The following LCORL variants were observed in gnomAD, a reference collection of about 807,000 sequenced individuals.
The protein encoded by LCORL is ligand dependent nuclear receptor corepressor like.
Under a neutral mutation model 141.8 loss-of-function variants are expected in LCORL, and 41 were observed. That is an observed-to-expected ratio of 0.29 (90% CI 0.23 to 0.38). The LOEUF (loss-of-function observed/expected upper bound fraction) is 0.38, where lower values mean the gene tolerates loss of function less well. Ranked by LOEUF, LCORL falls within the 10% of genes least tolerant of loss-of-function variation. The pLI is 1.00. For missense variants in LCORL, 1,759 were observed against 2,035.0 expected (o/e 0.86, Z 2.61); for synonymous variants, 618 against 694.1 (o/e 0.89, Z 1.72).
intron 6 of LCORL, chr4:17,881,751 T>C (rs533443698): frequency 4.2e-6 from 4 of 961,630 alleles, no homozygotes; most frequent in Non-Finnish European, 3.7e-6. Flanking sequence ...TATTATGTAA[T>C]GCATTCAAAG....
intron 4 of LCORL, among the ~76,000 whole-genome samples, chr4:17,938,300 C>A (rs147855387): frequency 1.3e-5 from 2 of 152,158 alleles, no homozygotes; most frequent in Non-Finnish European, 2.9e-5. Flanking sequence ...AGCCACCACG[C>A]ACAGCCATAA....
At chr4:17,972,973 A>T in intron 1 of LCORL, 88 bp from the exon 2 acceptor site, 1 of 539,394 alleles carries the variant, frequency 1.9e-6, no homozygotes, top group Non-Finnish European at 3.0e-6. Flanking sequence ...TCAATCAGCA[A>T]ATTAATTTAA....
At chr4:17,892,354 A>C (rs1329191186) in intron 5 of LCORL, among the ~76,000 whole-genome samples, 1 of 151,640 alleles carries the variant, frequency 6.6e-6, no homozygotes, top group Non-Finnish European at 1.5e-5. Flanking sequence ...GATTACAGGC[A>C]CTGGCCACCA....
intron 1 of LCORL, among the ~76,000 whole-genome samples, chr4:17,996,372 CAATTTA>C (rs1246403109): frequency 1.3e-5 from 2 of 151,892 alleles, no homozygotes; most frequent in African/African-American, 4.8e-5. Context: ...AAAGAAGAAA[CAATTTA>C]AATAGGAGGT....
rs145610603 is a variant in LCORL at position 18,014,739 on chromosome 4, C to A, written c.154+6859G>T. Among the ~76,000 whole-genome samples, 1,014 of 152,286 alleles carry A rather than the reference C, an allele frequency of 6.7e-3. 14 individuals are homozygous for A. The highest frequency in any genetic ancestry group is 0.023 in the African/African-American group (976 of 41,544). On this transcript the variant is annotated intron_variant, in intron 1 of 7. Transcript: ENST00000635767. Reference sequence around the variant, plus strand: ...CTTTAATTAAGAACAAAGTGGTATTCTTCAAATACAAAGATGGCATTAGTT... The same window carrying A: ...CTTTAATTAAGAACAAAGTGGTATTATTCAAATACAAAGATGGCATTAGTT...
intron 1 of LCORL, among the ~76,000 whole-genome samples, chr4:17,977,096 T>C (rs1456180033): frequency 1.3e-5 from 2 of 152,190 alleles, no homozygotes; most frequent in African/African-American, 2.4e-5. Flanking sequence ...TTGTGGGGGC[T>C]GGTCTTTTTC....
exon 7 of LCORL, chr4:17,874,430 T>C: frequency 8.1e-7 from 1 of 1,233,796 alleles, no homozygotes; most frequent in Non-Finnish European, 1.0e-6. Context: ...CTTTTCTAAC[T>C]AGTGAAAGAG....
intron 4 of LCORL, among the ~76,000 whole-genome samples, chr4:17,945,492 T>G (rs1738726125): frequency 6.6e-6 from 1 of 151,542 alleles, no homozygotes; most frequent in Non-Finnish European, 1.5e-5. Context: ...GGCAAAAAAA[T>G]AGCTGACCCA....
At chr4:17,905,323 T>C (rs1428269547) in intron 5 of LCORL, among the ~76,000 whole-genome samples, 1 of 152,070 alleles carries the variant, frequency 6.6e-6, no homozygotes, top group East Asian at 1.9e-4. Context: ...TTTGTATCTA[T>C]TAGGACATAA....
chr4:17,992,194 T>G (rs1413869437), intron 1 of LCORL, among the ~76,000 whole-genome samples: 2 of 152,158 alleles, frequency 1.3e-5, no homozygotes, highest in Non-Finnish European at 2.9e-5. Context: ...CTTACGATCA[T>G]GGTGGAAAAG....
intron 4 of LCORL, among the ~76,000 whole-genome samples, chr4:17,935,276 C>G (rs1736659116): frequency 6.6e-6 from 1 of 151,864 alleles, no homozygotes; most frequent in African/African-American, 2.4e-5. Context: ...ATATATTAAC[C>G]ATTACTTGCC....
intron 1 of LCORL, among the ~76,000 whole-genome samples, chr4:17,991,895 CAGAG>C (rs1157688678): frequency 9.5e-6 from 1 of 105,240 alleles, no homozygotes; most frequent in African/African-American, 4.2e-5. Context: ...CTCACCCTCA[CAGAG>C]AGGTGTATCT....
At chr4:17,845,685 CAT>C (rs1722846690) in exon 8 of LCORL, 1 of 1,486,736 alleles carries the variant, frequency 6.7e-7, no homozygotes, top group African/African-American at 1.4e-5. Context: ...GGAATACTGA[CAT>C]ACAAAATAAA....
At chr4:17,897,994 G>A (rs552446439) in intron 5 of LCORL, among the ~76,000 whole-genome samples, 1 of 152,072 alleles carries the variant, frequency 6.6e-6, no homozygotes, top group East Asian at 1.9e-4. Flanking sequence ...AATAATTCAT[G>A]GTTTGCACTG....
intron 7 of LCORL, among the ~76,000 whole-genome samples, chr4:17,854,929 T>A (rs900097732): frequency 6.6e-6 from 1 of 151,978 alleles, no homozygotes; most frequent in Non-Finnish European, 1.5e-5. Context: ...AAATTATTTA[T>A]ATTAACTTTG....
chr4:17,878,440 A>G (rs1199471353), intron 6 of LCORL, among the ~76,000 whole-genome samples: 2 of 151,532 alleles, frequency 1.3e-5, no homozygotes, highest in Non-Finnish European at 3.0e-5. Flanking sequence ...TATTTTTGCA[A>G]TATAAAAGCT....
At chr4:17,918,180 G>C (rs1442305650) in intron 4 of LCORL, among the ~76,000 whole-genome samples, 1 of 152,174 alleles carries the variant, frequency 6.6e-6, no homozygotes, top group African/African-American at 2.4e-5. Context: ...AATTAGTTTA[G>C]AAAAGTCGCT....
intron 6 of LCORL, chr4:17,881,025 A>C: frequency 1.0e-6 from 1 of 982,186 alleles, no homozygotes; most frequent in Non-Finnish European, 1.2e-6. Flanking sequence ...ACTGTAAACA[A>C]CTAAAAAAAT....
intron 1 of LCORL, among the ~76,000 whole-genome samples, chr4:17,998,445 A>G (rs960545244): frequency 6.6e-6 from 1 of 152,176 alleles, no homozygotes. Flanking sequence ...ACTTTTTTTT[A>G]AAACTTTTTA....
Sources: gnomAD v4.1 joint callset for allele counts (sites outside exome capture counted in the v4.1 genomes callset) on GRCh38, gnomAD v4.1.1 for gene constraint, MANE v1.5 for transcripts, NCBI Gene and HGNC (gene_info 2026-07-23, HGNC 2026-07-21) for gene names.